The following DDX60L variants were observed in gnomAD, a reference collection of about 807,000 sequenced individuals.
The protein encoded by DDX60L is DExD/H-box 60 like.
A neutral mutation model predicts 211.6 loss-of-function variants in DDX60L; 191 were observed. The ratio of observed to expected loss-of-function variants is 0.90; its 90% CI spans 0.80 to 1.02. The LOEUF is 1.02. Ranked by LOEUF, DDX60L falls within the 50% of genes least tolerant of loss-of-function variation. The probability of loss-of-function intolerance (pLI) is 0.00; values close to 1 mark genes in which losing one functional copy is unlikely to be tolerated. For synonymous variants in DDX60L, 706 were observed against 694.1 expected, an observed-to-expected ratio of 1.02 and a Z score of -0.27; for missense variants, 2,007 against 1,984.1, an observed-to-expected ratio of 1.01 and a Z score of -0.22.
At chr4:168,432,889 C>T (rs1752555602) in intron 11 of DDX60L, 121 bp downstream of exon 11, 3 of 565,758 alleles carry the variant, frequency 5.3e-6, no homozygotes, top group East Asian at 3.0e-5. Context: ...ATTATAGTCA[C>T]ATTATATAGA....
At chr4:168,404,347 T>C (rs1385982837) in intron 24 of DDX60L, among the ~76,000 whole-genome samples, 1 of 151,972 alleles carries the variant, frequency 6.6e-6, no homozygotes, top group African/African-American at 2.4e-5. Context: ...ATTTTGTAGG[T>C]ACTACAAATA....
chr4:168,431,293 T>C (rs1752304533), intron 12 of DDX60L, among the ~76,000 whole-genome samples: 2 of 152,066 alleles, frequency 1.3e-5, no homozygotes, highest in South Asian at 2.1e-4. Flanking sequence ...TTTACAAACA[T>C]AAAAGATATA....
intron 30 of DDX60L, among the ~76,000 whole-genome samples, chr4:168,382,301 T>A (rs1156674118): frequency 6.6e-6 from 1 of 152,152 alleles, no homozygotes; most frequent in Non-Finnish European, 1.5e-5. Flanking sequence ...TACCCACATT[T>A]AGGTAGAAAA....
At chr4:168,360,661 G>A (rs1450192120) in intron 37 of DDX60L, among the ~76,000 whole-genome samples, 1 of 152,318 alleles carries the variant, frequency 6.6e-6, no homozygotes, top group East Asian at 1.9e-4. Context: ...ATATTTGCTT[G>A]GGTCTCTGTT....
chr4:168,357,157 T>A lies in DDX60L; in HGVS notation c.*990A>T, dbSNP rs1394090188. On this transcript the variant is annotated 3_prime_UTR_variant, in exon 38 of 38. Transcript: ENST00000682922. ...GGGTATATATATTTTTTCTGTTAGA[T>A]ACACACTCCTTAATCACTGCCAGGA... 6.6e-6 allele frequency: 1 copy of A among 152,210 alleles called. No homozygotes were observed. The highest frequency in any genetic ancestry group is 6.5e-5 in the Admixed American group (1 of 15,286). 9.4% of individuals were successfully genotyped at this position (152,210 alleles called of 1,614,324 possible).
In DDX60L at chr4:168,418,466, T is replaced by C. The variant is rs539511416; in HGVS notation, c.2610+836A>G. Among the ~76,000 whole-genome samples the C allele has an allele frequency of 1.4e-3, 218 of 152,336 alleles. 1 individual carries two copies. Among genetic ancestry groups the C allele is most frequent in the African/African-American group, 4.5e-3 (188 of 41,594 alleles). Reference sequence around the variant, plus strand: ...AAAGATCAAGGTTTTTGTTTTGTTTTGTTTTCCCTTAAAACGGGAATGTTC... The same window carrying C: ...AAAGATCAAGGTTTTTGTTTTGTTTCGTTTTCCCTTAAAACGGGAATGTTC... On this transcript the variant is annotated intron_variant, in intron 19 of 37. Transcript: ENST00000682922.
Position 168,397,102 on chromosome 4 carries a change from G to A in DDX60L, c.3492-978C>T, listed in dbSNP as rs575841068. Among the ~76,000 whole-genome samples, 4 of 152,254 alleles carry A rather than the reference G, an allele frequency of 2.6e-5. No individual in the cohort carries two copies. In the East Asian group the frequency reaches 7.7e-4, roughly 29 times the overall value. On this transcript the variant is annotated intron_variant, in intron 26 of 37. Coordinates refer to ENST00000682922, the MANE Select transcript of DDX60L (RefSeq NM_001012967.3). ...ACCAAGTAAGGACACAGAGAAGACA[G>A]CTCTCTATGAACCAGGAAGCAGCTC...
At chr4:168,463,691 C>A (rs1757615830) in intron 4 of DDX60L, among the ~76,000 whole-genome samples, 1 of 152,140 alleles carries the variant, frequency 6.6e-6, no homozygotes, top group South Asian at 2.1e-4. Context: ...TCAATCAAAA[C>A]ACTGCTTTCA....
intron 16 of DDX60L, among the ~76,000 whole-genome samples, chr4:168,422,181 G>A (rs929336564): frequency 6.6e-6 from 1 of 152,200 alleles, no homozygotes; most frequent in African/African-American, 2.4e-5. Context: ...GGGAGACTGA[G>A]TAAAACATAT....
At chr4:168,422,999 G>GTGTGTGTGTGTGTGTGTGTA (rs551448406) in intron 15 of DDX60L, among the ~76,000 whole-genome samples, 6,858 of 137,410 alleles carry the variant, frequency 0.05, 256 homozygotes, top group African/African-American at 0.085. Context: ...GTGTGTGTGT[G>GTGTGTGTGTGTGTGTGTGTA]TTGTAGAGAC....
chr4:168,394,707 A>C, intron 27 of DDX60L, 90 bp from the exon 28 acceptor site: 1 of 1,213,892 alleles, frequency 8.2e-7, no homozygotes, highest in Non-Finnish European at 1.2e-6. Flanking sequence ...TCACAAGCAA[A>C]TCACTTACAT....
intron 13 of DDX60L, among the ~76,000 whole-genome samples, chr4:168,427,665 T>C (rs915500621): frequency 3.9e-5 from 6 of 152,192 alleles, no homozygotes; most frequent in Admixed American, 3.9e-4. Context: ...GATTTGGAAC[T>C]TAATTAATTT....
intron 28 of DDX60L, among the ~76,000 whole-genome samples, chr4:168,392,840 CA>C (rs60915238): frequency 0.34 from 42,773 of 126,200 alleles, 6,501 homozygotes; most frequent in Middle Eastern, 0.4. Flanking sequence ...AACTCTGTCT[CA>C]AAAAAAAAAA....
chr4:168,415,516 C>T lies in DDX60L; in HGVS notation c.2871G>A (p.Val957=), dbSNP rs2149839217. The part of the protein sequence containing the change: ...YKNQSYEVRL[V]LCGERYNDLE... Reference sequence around the variant, plus strand: ...AATCATTGTATCTCTCTCCACAGAGCACTAGATACGAAGAGCAAGAATATC... The same window carrying T: ...AATCATTGTATCTCTCTCCACAGAGTACTAGATACGAAGAGCAAGAATATC... The change falls in exon 22 of 38, where the codon GTG becomes GTA. Residue 957 remains valine (V), a splice_region_variant and synonymous_variant. Transcript: ENST00000682922. 6.4e-7 allele frequency: 1 copy of T among 1,555,824 alleles called. No homozygotes were observed. Among genetic ancestry groups the T allele is most frequent in the East Asian group, 2.3e-5 (1 of 44,106 alleles).
intron 22 of DDX60L, among the ~76,000 whole-genome samples, chr4:168,410,885 T>C (rs1235807172): frequency 6.6e-6 from 1 of 152,212 alleles, no homozygotes; most frequent in African/African-American, 2.4e-5. Flanking sequence ...GCAGCACTGT[T>C]AGTCACAGAG....
At chr4:168,400,682 C>T in intron 26 of DDX60L, 144 bp downstream of exon 26, 2 of 656,486 alleles carry the variant, frequency 3.0e-6, no homozygotes, top group East Asian at 2.8e-5. Context: ...CCCATCCTCC[C>T]ACCCAAATTT....
chr4:168,401,951 T>C (rs754366054), intron 25 of DDX60L, among the ~76,000 whole-genome samples: 42 of 152,274 alleles, frequency 2.8e-4, no homozygotes, highest in Non-Finnish European at 2.8e-4. Flanking sequence ...GGCTTCAATA[T>C]ATTAACTAAT....
At chr4:168,407,196 A>G (rs984901163) in intron 22 of DDX60L, among the ~76,000 whole-genome samples, 25 of 152,224 alleles carry the variant, frequency 1.6e-4, no homozygotes, top group African/African-American at 4.8e-4. Flanking sequence ...TAGAGATCCA[A>G]TACAAGAGCC....
chr4:168,420,678 TAGATAGACAGACAGACAGAC>T (rs1750450556), intron 17 of DDX60L, among the ~76,000 whole-genome samples: 1 of 103,390 alleles, frequency 9.7e-6, no homozygotes, highest in Non-Finnish European at 2.3e-5. Flanking sequence ...GATAGATAGA[TAGATAGACAGACAGACAGAC>T]AGACAGATAT....
Sources: gnomAD v4.1 joint callset for allele counts (sites outside exome capture counted in the v4.1 genomes callset) on GRCh38, gnomAD v4.1.1 for gene constraint, MANE v1.5 for transcripts, NCBI Gene and HGNC (gene_info 2026-07-23, HGNC 2026-07-21) for gene names.